DLEC1: variants seen among roughly 807,000 people sequenced by gnomAD.
DLEC1 encodes the protein deleted in lung and esophageal cancer protein 1.
In DLEC1, 146 loss-of-function variants were observed where a neutral mutation model predicts 198.1. That is an observed-to-expected ratio of 0.74 (90% CI 0.64 to 0.85). The LOEUF (loss-of-function observed/expected upper bound fraction) is 0.85, where lower values mean the gene tolerates loss of function less well. DLEC1 is among the 40% of genes least tolerant of loss of function. DLEC1 has a pLI of 0.00. For missense variants in DLEC1, 2,233 were observed against 2,220.0 expected, an observed-to-expected ratio of 1.01 and a Z score of -0.12; for synonymous variants, 897 against 866.8, an observed-to-expected ratio of 1.03 and a Z score of -0.61.
chr3:38,051,279 G>A (rs1007116080), intron 2 of DLEC1, among the ~76,000 whole-genome samples: 5 of 152,210 alleles, frequency 3.3e-5, no homozygotes, highest in African/African-American at 1.2e-4. Context: ...TTCTGTTCGG[G>A]CGCTGGTGAC....
rs766777929 is a variant in DLEC1 at position 38,122,139 on chromosome 3, C to A, written c.5089C>A (p.Arg1697=). ...CCCAAACAGTGGGCTGCTAGAAGCA[C>A]GATCCGCCAATGCACCCCCAACCTC... is the stretch of plus-strand genomic sequence containing the variant. ...VSPNSGLLEA[R]SANAPPTSIA... The change falls in exon 36 of 37, where the codon CGA becomes AGA. Residue 1697 remains arginine, a synonymous_variant. Coordinates refer to ENST00000308059, the MANE Select transcript of DLEC1 (RefSeq NM_007335.4). 1 of 1,614,032 alleles carries A rather than the reference C, an allele frequency of 6.2e-7. No individual in the cohort carries two copies. The highest frequency in any genetic ancestry group is 1.3e-5 in the African/African-American group (1 of 74,936).
intron 10 of DLEC1, among the ~76,000 whole-genome samples, chr3:38,091,666 AAAC>A (rs1698752400): frequency 6.6e-6 from 1 of 152,202 alleles, no homozygotes; most frequent in African/African-American, 2.4e-5. Context: ...AATAGCAAGA[AAAC>A]AACCTGCTTT....
intron 7 of DLEC1, among the ~76,000 whole-genome samples, chr3:38,084,876 A>G (rs1231410552): frequency 6.6e-6 from 1 of 151,790 alleles, no homozygotes; most frequent in African/African-American, 2.4e-5. Flanking sequence ...TCTATTCCTC[A>G]CTTAAGCCTC....
chr3:38,099,635 C>A (rs915127491), intron 18 of DLEC1, among the ~76,000 whole-genome samples: 1 of 152,168 alleles, frequency 6.6e-6, no homozygotes, highest in African/African-American at 2.4e-5. Context: ...CTTACAGGGA[C>A]AAGTGTCCTC....
intron 10 of DLEC1, among the ~76,000 whole-genome samples, chr3:38,091,322 G>A (rs373641248): frequency 2.6e-5 from 4 of 152,040 alleles, no homozygotes; most frequent in East Asian, 1.9e-4. Flanking sequence ...AAAACTAGCC[G>A]GGTGTGGTGG....
chr3:38,118,296 T>C (rs939297096), intron 33 of DLEC1, among the ~76,000 whole-genome samples: 6 of 152,184 alleles, frequency 3.9e-5, no homozygotes, highest in African/African-American at 1.4e-4. Context: ...CAGACTTCCC[T>C]TTCCCTCTTA....
At chr3:38,065,970 G>C (rs183618487) in intron 6 of DLEC1, among the ~76,000 whole-genome samples, 2 of 152,186 alleles carry the variant, frequency 1.3e-5, no homozygotes, top group South Asian at 4.1e-4. Context: ...GACATTAAAC[G>C]TGTTCTTTTA....
rs757915341 is a variant in DLEC1 at position 38,112,913 on chromosome 3, G to A, written c.3666+552G>A. Among the ~76,000 whole-genome samples the A allele has an allele frequency of 2.6e-5, 4 of 152,158 alleles. No homozygotes were observed. The highest frequency in any genetic ancestry group is 4.4e-5 in the Non-Finnish European group (3 of 68,046). ...GTCTGGAGGGATGAAACCTGCATAC[G>A]TTATCCTACCGTTAAGTTGTTAAAT... is the stretch of plus-strand genomic sequence containing the variant. On this transcript the variant is annotated intron_variant, in intron 25 of 36. Transcript: ENST00000308059. This position sits in a 1 kb window ranked among gnomAD's most constrained non-coding sequence, Gnocchi z 4.8.
chr3:38,096,609 G>A lies in DLEC1; in HGVS notation c.2212G>A (p.Asp738Asn). The change falls in exon 15 of 37, where the codon GAT becomes AAT. Residue 738 changes from aspartate to asparagine, a missense_variant. Asp to Asn is a conservative substitution (Grantham distance 23, BLOSUM62 1). Coordinates refer to ENST00000308059, the MANE Select transcript of DLEC1 (RefSeq NM_007335.4). ...CCTGGGGCACTCCTCCTACTCTGTG[G>A]ATGATGTGATTGTCCTGGAAATCGA... ...ESLGHSSYSV[D>N]DVIVLEIEVK... 6.2e-7 allele frequency: 1 copy of A among 1,612,510 alleles called. No individual in the cohort carries two copies. Among genetic ancestry groups the A allele is most frequent in the Non-Finnish European group, 8.5e-7 (1 of 1,179,998 alleles).
chr3:38,045,731 C>T lies in DLEC1; in HGVS notation c.562+38C>T, dbSNP rs574917297. ...AACTCCCACATGCCTGCCCAATTCC[C>T]GGGCTGTTGATATTTCACTGTGTTT... On this transcript the variant is annotated intron_variant, in intron 2 of 36. Transcript: ENST00000308059. 7.0e-5 allele frequency: 109 copies of T among 1,565,904 alleles called. 1 individual carries two copies. The highest frequency in any genetic ancestry group is 3.4e-4 in the East Asian group (15 of 43,718).
rs1699915308 is a variant in DLEC1, at chr3:38,112,102, G to A, written c.3515-108G>A. 4 of 1,534,082 alleles carry A rather than the reference G, an allele frequency of 2.6e-6. No homozygotes were observed. The highest frequency in any genetic ancestry group is 2.3e-5 in the East Asian group (1 of 44,376). On this transcript the variant is annotated intron_variant, in intron 24 of 36. Transcript: ENST00000308059. This position sits in a 1 kb window ranked among gnomAD's most constrained non-coding sequence, Gnocchi z 4.8. ...GGCACATGTAGCCTGACCAAGGAGA[G>A]GCTGGAGGGTGGCTTATCGGGGACA... is the stretch of plus-strand genomic sequence containing the variant.
In DLEC1 at chr3:38,120,588, G is replaced by A. The variant is rs745573824; in HGVS notation, c.4845G>A (p.Glu1615=). The A allele has an allele frequency of 1.9e-6, 3 of 1,613,640 alleles. No individual in the cohort carries two copies. Among genetic ancestry groups the A allele is most frequent in the Non-Finnish European group, 2.5e-6 (3 of 1,180,024 alleles). ...EMVFTQNLLL[E]YTNQTTQVVP... ...TGTTTACTCAGAACCTGCTCCTGGA[G>A]TACACCAACCAGACCACTCAGGCAC... is the stretch of plus-strand genomic sequence containing the variant. The change falls in exon 34 of 37, where the codon GAG becomes GAA. Residue 1615 remains glutamate (E), a synonymous_variant. Coordinates refer to ENST00000308059, the MANE Select transcript of DLEC1 (RefSeq NM_007335.4).
In DLEC1 at chr3:38,047,685, T is replaced by C. The variant is rs76391139; in HGVS notation, c.562+1992T>C. 5.9e-3 allele frequency among the ~76,000 whole-genome samples: 901 copies of C among 152,338 alleles called. 29 individuals carry two copies. The highest frequency in any genetic ancestry group is 0.04 in the Admixed American group (619 of 15,298). On this transcript the variant is annotated intron_variant, in intron 2 of 36. Coordinates refer to ENST00000308059, the MANE Select transcript of DLEC1 (RefSeq NM_007335.4). The stretch of plus-strand genomic sequence containing the variant: ...TTTAGGTTCAATGATGGTCAGGTGG[T>C]GGGGAAAGAGCACTTCATAGGTGAT...
At chr3:38,052,317 G>C in intron 2 of DLEC1, 1 of 395,480 alleles carries the variant, frequency 2.5e-6, no homozygotes. Flanking sequence ...GGGACCACGA[G>C]TACCTGCACA....
chr3:38,055,538 T>C (rs13066674), intron 2 of DLEC1, among the ~76,000 whole-genome samples: 47,846 of 151,508 alleles, frequency 0.32, 7,796 homozygotes, highest in East Asian at 0.55. Context: ...AATCTGCTTA[T>C]GGTAAAGGCA....
intron 6 of DLEC1, 87 bp from the exon 7 acceptor site, chr3:38,084,071 C>A: frequency 7.5e-7 from 1 of 1,334,242 alleles, no homozygotes; most frequent in African/African-American, 1.4e-5. Flanking sequence ...CCTCTACCCC[C>A]TTCTCATATT....
chr3:38,122,133 G>A lies in DLEC1; in HGVS notation c.5083G>A (p.Glu1695Lys), dbSNP rs1330391645. Residue 1695 changes from glutamate (E) to lysine (K), a missense_variant, in exon 36 of 37, where the codon GAA becomes AAA. Transcript: ENST00000308059. Reference protein sequence around the residue: ...FRVSPNSGLLEARSANAPPTS... With the variant: ...FRVSPNSGLLKARSANAPPTS... ...GGTCTCCCCAAACAGTGGGCTGCTA[G>A]AAGCACGATCCGCCAATGCACCCCC... is the stretch of plus-strand genomic sequence containing the variant. The A allele has an allele frequency of 6.2e-7, 1 of 1,614,028 alleles. No homozygotes were observed. The highest frequency in any genetic ancestry group is 8.5e-7 in the Non-Finnish European group (1 of 1,180,000).
chr3:38,081,658 GT>G lies in DLEC1; in HGVS notation c.1174-2499del, dbSNP rs1343528668. The stretch of plus-strand genomic sequence containing the variant: ...CCTCCCGGACGGGGCGGCTGGCCGG[GT>G]GGGGGGGCTGACCCCCCCATCTCCC... On this transcript the variant is annotated intron_variant, in intron 6 of 36. Coordinates refer to ENST00000308059, the MANE Select transcript of DLEC1 (RefSeq NM_007335.4). Among the ~76,000 whole-genome samples, 34 of 88,768 alleles carry G rather than the reference GT, an allele frequency of 3.8e-4. 1 individual carries two copies. The highest frequency in any genetic ancestry group is 1.2e-3 in the African/African-American group (23 of 19,762). The allele number at this position is 88,768 out of a possible 152,430, so 58.2% of individuals were successfully genotyped here.
intron 2 of DLEC1, among the ~76,000 whole-genome samples, chr3:38,050,481 C>T (rs1701061203): frequency 6.6e-6 from 1 of 151,928 alleles, no homozygotes; most frequent in Non-Finnish European, 1.5e-5. Context: ...AGTCTGCTTC[C>T]ACTCATGGGG....
Sources: gnomAD v4.1 joint callset for allele counts (sites outside exome capture counted in the v4.1 genomes callset) on GRCh38, gnomAD v4.1.1 for gene constraint, Gnocchi (gnomAD v3.1) non-coding constraint, MANE v1.5 for transcripts, NCBI Gene and HGNC (gene_info 2026-07-23, HGNC 2026-07-21) for gene names.